PERM1: variants seen among roughly 807,000 people sequenced by gnomAD.
PERM1 encodes PGC-1 and ERR-induced regulator in muscle protein 1.
PERM1 carries 45 observed loss-of-function variants against 44.1 expected under a neutral mutation model. That is an observed-to-expected ratio of 1.02 (90% CI 0.80 to 1.31). The LOEUF (loss-of-function observed/expected upper bound fraction) is 1.31. PERM1 is among the 50% of genes most tolerant of loss of function. The probability of loss-of-function intolerance (pLI) is 0.00; values close to 1 mark genes in which losing one functional copy is unlikely to be tolerated. For missense variants in PERM1, 1,189 were observed against 1,106.9 expected, an observed-to-expected ratio of 1.07 and a Z score of -1.05; for synonymous variants, 565 against 477.1, an observed-to-expected ratio of 1.18 and a Z score of -2.40.
At chr1:978,914 C>A (rs1285189409) in exon 1 of PERM1, 1 of 1,504,808 alleles carries the variant, frequency 6.6e-7, no homozygotes, top group South Asian at 1.3e-5. Context: ...AGCCGCTCTA[C>A]CACGGCTGGC....
chr1:976,391 G>C, intron 2 of PERM1, 108 bp downstream of exon 3: 2 of 1,515,496 alleles, frequency 1.3e-6, no homozygotes, highest in African/African-American at 1.4e-5. Context: ...TCAGCCTGGG[G>C]GGAGCAGGTC....
chr1:981,610 C>A (rs896322621), upstream of PERM1, among the ~76,000 whole-genome samples: 3 of 152,232 alleles, frequency 2.0e-5, no homozygotes, highest in African/African-American at 4.8e-5. Context: ...ACCTTCCGAT[C>A]GCCTTGGCTG....
At chr1:978,902 G>A in exon 1 of PERM1, 1 of 1,497,798 alleles carries the variant, frequency 6.7e-7, no homozygotes, top group African/African-American at 1.4e-5. Context: ...AGAGCCAGGT[G>A]GAGCCGCTCT....
exon 1 of PERM1, chr1:979,116 C>A (rs1014509838): frequency 1.3e-6 from 2 of 1,549,754 alleles, no homozygotes; most frequent in Admixed American, 2.0e-5. Flanking sequence ...GATCAGCTCT[C>A]GGGAGCGGCT....
chr1:980,450 C>T (rs1481555715), exon 1 of PERM1: 5 of 1,540,950 alleles, frequency 3.2e-6, no homozygotes, highest in Non-Finnish European at 4.4e-6. Context: ...CCTGTGTGCC[C>T]ACCCCCCTTG....
intron 1 of PERM1, among the ~76,000 whole-genome samples, chr1:978,440 T>G (rs965327665): frequency 1.2e-4 from 19 of 152,280 alleles, no homozygotes; most frequent in East Asian, 3.9e-4. Context: ...CCCCCGTGCT[T>G]CTTCTGCCTG....
chr1:978,224 A>C, intron 1 of PERM1, among the ~76,000 whole-genome samples: 2 of 110,834 alleles, frequency 1.8e-5, no homozygotes, highest in African/African-American at 3.5e-5. Flanking sequence ...TGCCCCGCAC[A>C]CGCCCGCCCC....
exon 1 of PERM1, chr1:980,710 G>T: frequency 7.0e-7 from 1 of 1,421,308 alleles, no homozygotes; most frequent in Non-Finnish European, 9.1e-7. Flanking sequence ...TTCTGCCCGT[G>T]CGGACGTGCT....
At chr1:976,201 G>T in exon 3 of PERM1, 1 of 1,544,356 alleles carries the variant, frequency 6.5e-7, no homozygotes, top group Non-Finnish European at 8.7e-7. Context: ...CTGTGGCTGC[G>T]GCGCCCTTGC....
At chr1:981,094 C>T (rs774027492), upstream of PERM1, 4 of 1,548,220 alleles carry the variant, frequency 2.6e-6, no homozygotes, top group Non-Finnish European at 2.6e-6. Context: ...TGGGTTCAGG[C>T]CCCGGGCACC....
intron 2 of PERM1, 46 bp downstream of exon 3, chr1:976,453 G>C (rs769654967): frequency 1.9e-6 from 3 of 1,549,038 alleles, no homozygotes; most frequent in Non-Finnish European, 2.6e-6. Flanking sequence ...AGCGCCCCTC[G>C]GTCTGGCTTC....
At chr1:979,485 C>T in exon 1 of PERM1, 1 of 1,547,796 alleles carries the variant, frequency 6.5e-7, no homozygotes, top group Non-Finnish European at 8.7e-7. Flanking sequence ...CTGAGCCTGG[C>T]TTATTGGGGC....
exon 3 of PERM1, chr1:975,777 C>T (rs1171975177): frequency 1.6e-5 from 3 of 183,556 alleles, no homozygotes; most frequent in Non-Finnish European, 3.4e-5. Context: ...TGCCACTCAG[C>T]TCCCCCTGCA....
exon 1 of PERM1, chr1:979,561 G>A (rs1160965040): frequency 4.5e-6 from 7 of 1,549,956 alleles, no homozygotes; most frequent in East Asian, 2.4e-5. Context: ...CAGTGCGGGT[G>A]CCCCAGAGCA....
chr1:975,870 C>G, exon 3 of PERM1: 1 of 390,130 alleles, frequency 2.6e-6, no homozygotes, highest in Non-Finnish European at 4.6e-6. Flanking sequence ...CCACTATTGC[C>G]TGTCTGAAAT....
chr1:981,911 C>A (rs1173742491), upstream of PERM1: 2 of 367,000 alleles, frequency 5.4e-6, no homozygotes, highest in Non-Finnish European at 7.6e-6. Flanking sequence ...TGGGAAGTCA[C>A]TTTGGTGGGG....
exon 1 of PERM1, chr1:979,203 G>A (rs993178289): frequency 1.1e-5 from 17 of 1,550,004 alleles, no homozygotes; most frequent in Middle Eastern, 3.3e-4. Flanking sequence ...GCCACTGGAC[G>A]CCTGCCGGAT....
Position 979,541 on chromosome 1 carries a change from G to A in PERM1, c.1489C>T (p.Gln497Ter). 7.1e-6 allele frequency: 11 copies of A among 1,550,012 alleles called. No homozygotes were observed. Among genetic ancestry groups the A allele is most frequent in the Non-Finnish European group, 9.6e-6 (11 of 1,146,768 alleles). Residue 497 changes from glutamine to a stop codon, truncating the protein, a stop_gained, in exon 1 of 3, where the codon CAA (glutamine) becomes TAA (stop). Coordinates refer to ENST00000433179, the Ensembl canonical transcript of PERM1. LOFTEE classifies it high-confidence loss of function. Reference sequence around the variant, plus strand: ...CGCACTTTCTTCTTCCTGGGGACTTGGGTGAGACCCAGTGCGGGTGCCCCA... The same window carrying A: ...CGCACTTTCTTCTTCCTGGGGACTTAGGTGAGACCCAGTGCGGGTGCCCCA...
exon 3 of PERM1, chr1:975,912 T>C: frequency 6.1e-6 from 3 of 492,540 alleles, no homozygotes; most frequent in Non-Finnish European, 1.1e-5. Context: ...CATCTGTGAA[T>C]CTGGCCACCC....
Sources: gnomAD v4.1 joint callset for allele counts (sites outside exome capture counted in the v4.1 genomes callset) on GRCh38, gnomAD v4.1.1 for gene constraint, MANE v1.5 for transcripts, NCBI Gene and HGNC (gene_info 2026-07-23, HGNC 2026-07-21) for gene names.